ASB3: variants seen among roughly 807,000 people sequenced by gnomAD.
ASB3 encodes the protein ankyrin repeat and SOCS box protein 3.
Under a neutral mutation model 54.5 loss-of-function variants are expected in ASB3, and 41 were observed. The observed-to-expected ratio is 0.75, with a 90% CI of 0.59 to 0.98. The LOEUF is 0.98. Ranked by LOEUF, ASB3 falls within the 50% of genes least tolerant of loss-of-function variation. The pLI is 0.00. For missense variants in ASB3, 733 were observed against 620.0 expected (o/e 1.18, Z -1.94); for synonymous variants, 266 against 221.2 (o/e 1.20, Z -1.80).
At chr2:53,743,776 C>T (rs966149098) in intron 3 of ASB3, among the ~76,000 whole-genome samples, 2 of 152,230 alleles carry the variant, frequency 1.3e-5, no homozygotes, top group African/African-American at 4.8e-5. Flanking sequence ...GGTGCAGTGC[C>T]TCACTCCTGT....
intron 9 of ASB3, among the ~76,000 whole-genome samples, chr2:53,671,353 CGTGTGTGTGTGTGTGTGTGTGTGTGTGT>C (rs142473697): frequency 1.4e-5 from 2 of 142,510 alleles, no homozygotes; most frequent in Non-Finnish European, 3.1e-5. Context: ...GAACCCAAAG[CGTGTGTGTGTGTGTGTGTGTGTGTGTGT>C]GTGTGTGTGT....
At chr2:53,756,664 A>G (rs1171410315) in intron 2 of ASB3, among the ~76,000 whole-genome samples, 3 of 152,142 alleles carry the variant, frequency 2.0e-5, no homozygotes, top group Non-Finnish European at 4.4e-5. Context: ...GTCCCCTCCC[A>G]TTGTATGGGA....
intron 8 of ASB3, among the ~76,000 whole-genome samples, chr2:53,697,160 G>A (rs527439706): frequency 2.6e-5 from 4 of 152,240 alleles, no homozygotes; most frequent in South Asian, 2.1e-4. Context: ...TAATTATAAC[G>A]CATTAGCATG....
At chr2:53,777,496 T>G (rs1015223749) in intron 1 of ASB3, among the ~76,000 whole-genome samples, 2 of 152,208 alleles carry the variant, frequency 1.3e-5, no homozygotes, top group Admixed American at 6.5e-5. Context: ...TCAATTTTAC[T>G]TGGATAGCTT....
At chr2:53,717,532 AG>A (rs1415294410) in intron 5 of ASB3, among the ~76,000 whole-genome samples, 1 of 152,182 alleles carries the variant, frequency 6.6e-6, no homozygotes, top group African/African-American at 2.4e-5. Context: ...AGAAAGAAAA[AG>A]AAAAAAATCC....
At chr2:53,718,506 T>C (rs1670520854) in intron 5 of ASB3, among the ~76,000 whole-genome samples, 1 of 152,036 alleles carries the variant, frequency 6.6e-6, no homozygotes, top group South Asian at 2.1e-4. Context: ...TTAGCAGAGA[T>C]CCTTAAGGGA....
intron 1 of ASB3, among the ~76,000 whole-genome samples, chr2:53,773,891 T>C (rs1573019450): frequency 6.6e-6 from 1 of 151,970 alleles, no homozygotes; most frequent in East Asian, 2.0e-4. Flanking sequence ...AAAAATTAGC[T>C]GGGCATGGTG....
Position 53,765,379 on chromosome 2 carries a change from G to A in ASB3, c.194C>T (p.Ala65Val). The change falls in exon 2 of 10, where the codon GCA becomes GTA. Residue 65 changes from alanine (A) to valine (V), a missense_variant and splice_region_variant. Transcript: ENST00000263634. Reference protein sequence around the residue: ...SVECLQMLINADSSENYIKMK... With the variant: ...SVECLQMLINVDSSENYIKMK... Reference sequence around the variant, plus strand: ...TCCATACCTTGAATTTACTTTACCTGCATTAATTAACATTTGCAAACATTC... The same window carrying A: ...TCCATACCTTGAATTTACTTTACCTACATTAATTAACATTTGCAAACATTC... 6.2e-7 allele frequency: 1 copy of A among 1,614,126 alleles called. No homozygotes were observed.
intron 8 of ASB3, among the ~76,000 whole-genome samples, chr2:53,695,415 A>G (rs1206034360): frequency 6.6e-6 from 1 of 152,156 alleles, no homozygotes; most frequent in Non-Finnish European, 1.5e-5. Flanking sequence ...ATGATACAAT[A>G]TATTCAAAGA....
Position 53,765,474 on chromosome 2 carries a change from G to A in ASB3, c.99C>T (p.Gly33=), listed in dbSNP as rs1271470005. 6.2e-7 allele frequency: 1 copy of A among 1,614,058 alleles called. No individual in the cohort carries two copies. The highest frequency in any genetic ancestry group is 8.5e-7 in the Non-Finnish European group (1 of 1,180,038). The change falls in exon 2 of 10, where the codon GGC becomes GGT. Residue 33 remains glycine, a synonymous_variant. Coordinates refer to ENST00000263634, the MANE Select transcript of ASB3 (RefSeq NM_016115.5). ...VKVLRKLLKK[G]RSVDVADNRG... is the part of the protein sequence containing the mutation. ...TGTTATCAGCAACATCGACACTTCGGCCCTTTTTGAGCAGTTTCCTTAAGA... is the reference window on the plus strand; with the variant it reads ...TGTTATCAGCAACATCGACACTTCGACCCTTTTTGAGCAGTTTCCTTAAGA...
At chr2:53,721,950 G>C (rs1242604244) in intron 5 of ASB3, among the ~76,000 whole-genome samples, 1 of 151,788 alleles carries the variant, frequency 6.6e-6, no homozygotes, top group East Asian at 1.9e-4. Context: ...CTGCTAGCTA[G>C]ATAAAAAAAA....
rs1667747189 is a variant in ASB3 at position 53,670,306 on chromosome 2, T to TC, written c.*196_*197insG. The TC allele has an allele frequency of 3.4e-6, 1 of 297,642 alleles. No individual in the cohort carries two copies. Among genetic ancestry groups the TC allele is most frequent in the South Asian group, 9.1e-5 (1 of 10,946 alleles). 18.4% of individuals were successfully genotyped at this position (297,642 alleles called of 1,614,324 possible). A position where few individuals can be genotyped will look rare whatever the true frequency, so the allele number is the denominator to read the frequency against. ...TGATGTTTACAATTTTTTTTTTTTT[T>TC]TTTTTTTTTTTTACTGGGAAGGCTA... On this transcript the variant is annotated 3_prime_UTR_variant, in exon 10 of 10. Transcript: ENST00000263634.
intron 2 of ASB3, among the ~76,000 whole-genome samples, chr2:53,753,042 AT>A (rs200578524): frequency 7.9e-5 from 12 of 151,646 alleles, no homozygotes; most frequent in Non-Finnish European, 1.2e-4. Context: ...AATGTACGCA[AT>A]TTAAAAAAAA....
chr2:53,719,082 A>C (rs1266843899), intron 5 of ASB3, among the ~76,000 whole-genome samples: 1 of 151,994 alleles, frequency 6.6e-6, no homozygotes, highest in African/African-American at 2.4e-5. Flanking sequence ...TACCACGCCC[A>C]GCTGATTTTT....
At chr2:53,776,458 A>G (rs1273731432) in intron 1 of ASB3, among the ~76,000 whole-genome samples, 1 of 152,078 alleles carries the variant, frequency 6.6e-6, no homozygotes, top group East Asian at 1.9e-4. Flanking sequence ...AAAAATACTG[A>G]CTGTATTGTC....
chr2:53,706,458 T>TG (rs1212057484), intron 7 of ASB3, among the ~76,000 whole-genome samples: 2 of 152,058 alleles, frequency 1.3e-5, no homozygotes. Flanking sequence ...TTTTTTTTTT[T>TG]GTTTTTTGAA....
chr2:53,736,648 G>A (rs564250673), intron 3 of ASB3, among the ~76,000 whole-genome samples: 4 of 150,640 alleles, frequency 2.7e-5, no homozygotes, highest in East Asian at 3.9e-4. Context: ...GCAGTGAGCC[G>A]AAATCGCGCC....
chr2:53,753,286 T>C (rs548577054), intron 2 of ASB3, among the ~76,000 whole-genome samples: 1 of 152,090 alleles, frequency 6.6e-6, no homozygotes, highest in East Asian at 1.9e-4. Context: ...TTTCTAGGAG[T>C]AGAGATTAAC....
intron 9 of ASB3, among the ~76,000 whole-genome samples, chr2:53,685,383 T>C (rs1325033396): frequency 1.3e-5 from 2 of 152,208 alleles, no homozygotes; most frequent in Non-Finnish European, 2.9e-5. Context: ...TCTCCAGAAA[T>C]GGAAGAACTT....
Sources: allele counts gnomAD v4.1 joint callset (sites outside exome capture counted in the v4.1 genomes callset), GRCh38; gene constraint gnomAD v4.1.1; transcripts MANE v1.5; gene names NCBI Gene and HGNC (gene_info 2026-07-23, HGNC 2026-07-21).